R3HDM2: variants seen among roughly 807,000 people sequenced by gnomAD.
R3HDM2 encodes R3H domain-containing protein 2.
Under a neutral mutation model 124.5 loss-of-function variants are expected in R3HDM2, and 38 were observed. That is an observed-to-expected ratio of 0.31 (90% confidence interval 0.24 to 0.40). The LOEUF is 0.40. Among genes scored for constraint, R3HDM2 ranks in the 10% least tolerant of loss-of-function variants. R3HDM2 has a pLI of 1.00. For synonymous variants in R3HDM2, 391 were observed against 448.0 expected, an observed-to-expected ratio of 0.87 and a Z score of 1.61; for missense variants, 869 against 1,236.9, an observed-to-expected ratio of 0.70 and a Z score of 4.46.
intron 9 of R3HDM2, 43 bp from the exon 10 acceptor site, chr12:57,295,550 C>T (rs1017962664): frequency 2.8e-6 from 4 of 1,430,712 alleles, no homozygotes; most frequent in South Asian, 1.2e-5. Flanking sequence ...AGGACAAAGA[C>T]CGTTTTGTTA....
chr12:57,258,314 A>T (rs564163430), intron 20 of R3HDM2, among the ~76,000 whole-genome samples, 177 bp from the exon 21 acceptor site: 19 of 116,810 alleles, frequency 1.6e-4, no homozygotes, highest in Admixed American at 3.1e-4. Context: ...ATGCTATTTT[A>T]TTTATTTATT....
At position 57,372,037 on chromosome 12, in the gene R3HDM2, T is replaced by G. The variant is rs572439721; in HGVS notation, c.-36+23712A>C. Among the ~76,000 whole-genome samples, 474 of 152,236 alleles carry G rather than the reference T, an allele frequency of 3.1e-3. 8 individuals carry two copies. Among genetic ancestry groups the G allele is most frequent in the Middle Eastern group, 6.8e-3 (2 of 294 alleles). On this transcript the variant is annotated intron_variant, in intron 2 of 23. Coordinates refer to ENST00000402412, the MANE Select transcript of R3HDM2 (RefSeq NM_001394031.1). ...CATGCACCAACACACCGGGCTAATT[T>G]TTTATTTTTAGTAGAGATGAGGTTT...
intron 14 of R3HDM2, among the ~76,000 whole-genome samples, chr12:57,271,373 C>T (rs759708583): frequency 2.0e-5 from 3 of 152,168 alleles, no homozygotes; most frequent in Middle Eastern, 3.2e-3. Context: ...TTCCATCTCT[C>T]ACTCATATGG....
intron 2 of R3HDM2, among the ~76,000 whole-genome samples, chr12:57,333,535 C>CA (rs1208807740): frequency 6.6e-6 from 1 of 151,186 alleles, no homozygotes; most frequent in Non-Finnish European, 1.5e-5. Context: ...ACTAAAAATA[C>CA]AAAAAAATTA....
At chr12:57,379,014 A>G (rs1451690584) in intron 2 of R3HDM2, among the ~76,000 whole-genome samples, 2 of 152,230 alleles carry the variant, frequency 1.3e-5, no homozygotes, top group Non-Finnish European at 2.9e-5. Flanking sequence ...AGAATATTCA[A>G]AATCATAGAA....
At chr12:57,267,729 G>A (rs1352998603) in intron 18 of R3HDM2, among the ~76,000 whole-genome samples, 1 of 152,140 alleles carries the variant, frequency 6.6e-6, no homozygotes, top group South Asian at 2.1e-4. Flanking sequence ...TCCAGTTCTT[G>A]TTCCACCTCT....
intron 2 of R3HDM2, among the ~76,000 whole-genome samples, chr12:57,392,928 C>T (rs752528434): frequency 4.0e-5 from 6 of 151,352 alleles, no homozygotes; most frequent in East Asian, 1.9e-4. Flanking sequence ...CCTCAGTCTC[C>T]GGAGTAGCTG....
In R3HDM2 at chr12:57,253,964, G is replaced by A; in HGVS notation, c.*809C>T. 1 of 354,192 alleles carries A rather than the reference G, an allele frequency of 2.8e-6. No homozygotes were observed. Among genetic ancestry groups the A allele is most frequent in the South Asian group, 2.2e-5 (1 of 44,542 alleles). 21.9% of individuals were successfully genotyped at this position (354,192 alleles called of 1,614,324 possible). On this transcript the variant is annotated 3_prime_UTR_variant, in exon 24 of 24. Transcript: ENST00000402412. ...ATATACAAGTGTTCTGGGGGGGCCA[G>A]GGGAATCCCAAGTTTTAACTCTGTG...
Position 57,268,911 on chromosome 12 carries a change from A to T in R3HDM2, c.1875+11T>A. On this transcript the variant is annotated intron_variant, in intron 17 of 23. Coordinates refer to ENST00000402412, the MANE Select transcript of R3HDM2 (RefSeq NM_001394031.1). ...ACTGGGGTGATCCTTCCCAATGCAG[A>T]ATGCACCCACTTGGTAAGAAGGCAG... 6.2e-7 allele frequency: 1 copy of T among 1,613,134 alleles called. No homozygotes were observed. Among genetic ancestry groups the T allele is most frequent in the Admixed American group, 1.7e-5 (1 of 60,000 alleles).
chr12:57,283,480 T>C (rs1490771222), intron 13 of R3HDM2, among the ~76,000 whole-genome samples: 1 of 152,208 alleles, frequency 6.6e-6, no homozygotes, highest in Non-Finnish European at 1.5e-5. Context: ...GACTCACGCC[T>C]GTAATCCCAG....
chr12:57,268,661 A>T (rs1187742442), intron 17 of R3HDM2: 1 of 701,262 alleles, frequency 1.4e-6, no homozygotes, highest in Non-Finnish European at 2.3e-6. Context: ...TGGGCATCTG[A>T]CATAAAGAAA....
chr12:57,376,604 T>A (rs2064102148), intron 2 of R3HDM2, among the ~76,000 whole-genome samples: 1 of 152,130 alleles, frequency 6.6e-6, no homozygotes, highest in Non-Finnish European at 1.5e-5. Context: ...TGTAGTGAAA[T>A]AAAATTATTA....
intron 2 of R3HDM2, among the ~76,000 whole-genome samples, chr12:57,394,193 A>G (rs1427270516): frequency 1.3e-5 from 2 of 151,840 alleles, no homozygotes; most frequent in Non-Finnish European, 2.9e-5. Context: ...GCCACTCGAG[A>G]GGCTGTTGTG....
chr12:57,404,683 A>C (rs954901099), intron 1 of R3HDM2, among the ~76,000 whole-genome samples: 5 of 152,036 alleles, frequency 3.3e-5, no homozygotes, highest in Non-Finnish European at 7.4e-5. Context: ...CCGGCACCAG[A>C]GCGAGACTCT....
At chr12:57,280,677 A>G in intron 13 of R3HDM2, 147 bp from the exon 14 acceptor site, 1 of 634,388 alleles carries the variant, frequency 1.6e-6, no homozygotes, top group Non-Finnish European at 2.5e-6. Context: ...TTGAAGATTC[A>G]CAGATGAGCA....
intron 2 of R3HDM2, among the ~76,000 whole-genome samples, chr12:57,352,107 C>A (rs2137267327): frequency 6.6e-6 from 1 of 151,748 alleles, no homozygotes; most frequent in East Asian, 1.9e-4. Context: ...AAAGGAAATA[C>A]AATAATTAAC....
chr12:57,425,266 C>T (rs543119373), intron 1 of R3HDM2, among the ~76,000 whole-genome samples: 2 of 149,902 alleles, frequency 1.3e-5, no homozygotes, highest in Middle Eastern at 3.4e-3. Flanking sequence ...GAGCGAAACT[C>T]CGTCTCAAAA....
At chr12:57,403,388 AG>A (rs2068225784) in intron 1 of R3HDM2, among the ~76,000 whole-genome samples, 2 of 152,264 alleles carry the variant, frequency 1.3e-5, no homozygotes, top group South Asian at 2.1e-4. Flanking sequence ...GCTACTTGGG[AG>A]GCTGAGGCAG....
intron 19 of R3HDM2, among the ~76,000 whole-genome samples, chr12:57,264,528 C>T (rs1468978286): frequency 6.6e-6 from 1 of 151,486 alleles, no homozygotes; most frequent in Admixed American, 6.6e-5. Context: ...GCCGAGATTG[C>T]ACCACTGCAC....
Sources: allele counts gnomAD v4.1 joint callset (sites outside exome capture counted in the v4.1 genomes callset), GRCh38; gene constraint gnomAD v4.1.1; transcripts MANE v1.5; gene names NCBI Gene and HGNC (gene_info 2026-07-23, HGNC 2026-07-21).